Variants in CDH10 observed in about 807,000 individuals in gnomAD.
CDH10 encodes cadherin-10.
CDH10 carries 30 observed loss-of-function variants against 73.1 expected under a neutral mutation model. That is an observed-to-expected ratio of 0.41 (90% CI 0.31 to 0.56). CDH10 has a LOEUF of 0.56. CDH10 is among the 20% of genes least tolerant of loss of function. The pLI is 0.27. For synonymous variants in CDH10, 345 were observed against 348.2 expected (o/e 0.99, Z 0.10); for missense variants, 815 against 973.7 (o/e 0.84, Z 2.17).
In CDH10 at chr5:24,554,376, CATA is replaced by C. The variant is rs369754904; in HGVS notation, c.232-16705_232-16703del. ...GTATAATGTATATAAAATTACATTG[CATA>C]ATATCTTACATGCCTGTGAAACTTG... is the stretch of plus-strand genomic sequence containing the variant. On this transcript the variant is annotated intron_variant, in intron 2 of 11. Transcript: ENST00000264463. Among the ~76,000 whole-genome samples, 461 of 151,892 alleles carry C rather than the reference CATA, an allele frequency of 3.0e-3. 1 individual carries two copies. The highest frequency in any genetic ancestry group is 4.6e-3 in the Non-Finnish European group (310 of 67,950).
chr5:24,505,405 C>T lies in CDH10; in HGVS notation c.1257-157G>A, dbSNP rs537790264. On this transcript the variant is annotated intron_variant, in intron 7 of 11. Transcript: ENST00000264463. ...TTGTTTGAATGACTTTTCCTAGTTG[C>T]ACACACACATTCTCCTCAAGGCATA... Among the ~76,000 whole-genome samples the T allele has an allele frequency of 7.2e-5, 11 of 152,324 alleles. No homozygotes were observed. In the East Asian group the frequency reaches 2.1e-3, roughly 29 times the overall value.
intron 8 of CDH10, among the ~76,000 whole-genome samples, chr5:24,500,106 G>T (rs1384748593): frequency 6.6e-6 from 1 of 152,116 alleles, no homozygotes; most frequent in Non-Finnish European, 1.5e-5. Context: ...TTTATCTGAC[G>T]TCTTAAGGTA....
intron 2 of CDH10, among the ~76,000 whole-genome samples, chr5:24,592,012 G>A (rs1291069390): frequency 2.0e-5 from 3 of 151,746 alleles, no homozygotes; most frequent in East Asian, 1.9e-4. Flanking sequence ...CTATTCCCAG[G>A]CTTTAAATCA....
intron 1 of CDH10, among the ~76,000 whole-genome samples, chr5:24,632,603 C>A (rs1747743017): frequency 6.6e-6 from 1 of 151,892 alleles, no homozygotes. Flanking sequence ...ACCACTTGTT[C>A]TATATTAAAG....
At chr5:24,598,100 G>A (rs1336999992) in intron 1 of CDH10, among the ~76,000 whole-genome samples, 1 of 151,988 alleles carries the variant, frequency 6.6e-6, no homozygotes, top group East Asian at 1.9e-4. Context: ...TTTCAGATGT[G>A]TTTATACAAT....
intron 1 of CDH10, among the ~76,000 whole-genome samples, chr5:24,596,972 T>G (rs1389540704): frequency 6.6e-6 from 1 of 152,002 alleles, no homozygotes; most frequent in African/African-American, 2.4e-5. Context: ...AGGAATCAGG[T>G]GGGTTGAAAC....
intron 11 of CDH10, among the ~76,000 whole-genome samples, chr5:24,488,740 A>G (rs923772942): frequency 6.6e-6 from 1 of 151,922 alleles, no homozygotes; most frequent in East Asian, 1.9e-4. Flanking sequence ...TTAGAGTTAG[A>G]TGAATTTAGA....
At chr5:24,520,730 T>G (rs2202513) in intron 5 of CDH10, among the ~76,000 whole-genome samples, 73,520 of 151,894 alleles carry the variant, frequency 0.48, 17,893 homozygotes, top group East Asian at 0.58. Flanking sequence ...TCACTTTTTT[T>G]TTGTTGTTTT....
In CDH10 at chr5:24,533,924, A is replaced by G. The variant is rs371354491; in HGVS notation, c.814+1188T>C. On this transcript the variant is annotated intron_variant, in intron 5 of 11. Transcript: ENST00000264463. Reference sequence around the variant, plus strand: ...GTTAAATATCTAATCAAAAACTGTCACAAATATATAGGTACGTGATTAGTG... The same window carrying G: ...GTTAAATATCTAATCAAAAACTGTCGCAAATATATAGGTACGTGATTAGTG... Among the ~76,000 whole-genome samples, 3 of 152,230 alleles carry G rather than the reference A, an allele frequency of 2.0e-5. No individual in the cohort carries two copies. In the South Asian group the frequency reaches 6.2e-4, roughly 32 times the overall value.
intron 3 of CDH10, 137 bp downstream of exon 3, chr5:24,537,243 A>G: frequency 1.7e-6 from 1 of 590,136 alleles, no homozygotes; most frequent in South Asian, 2.7e-5. Flanking sequence ...TTGTCTCCTA[A>G]AAGAAAAAAT....
intron 5 of CDH10, among the ~76,000 whole-genome samples, chr5:24,531,454 A>T (rs949492601): frequency 6.6e-6 from 1 of 152,144 alleles, no homozygotes; most frequent in African/African-American, 2.4e-5. Flanking sequence ...TGATAAAGAC[A>T]TACACAAGAC....
chr5:24,533,314 G>A (rs1217438180), intron 5 of CDH10, among the ~76,000 whole-genome samples: 1 of 151,682 alleles, frequency 6.6e-6, no homozygotes, highest in African/African-American at 2.4e-5. Context: ...GGCACAGAGT[G>A]AGACTCACTC....
At chr5:24,539,161 A>T (rs1347720600) in intron 2 of CDH10, among the ~76,000 whole-genome samples, 1 of 152,010 alleles carries the variant, frequency 6.6e-6, no homozygotes, top group Non-Finnish European at 1.5e-5. Flanking sequence ...AGAATTGAGA[A>T]TTCGAGACAA....
intron 1 of CDH10, among the ~76,000 whole-genome samples, chr5:24,630,226 G>A (rs1164833830): frequency 6.6e-6 from 1 of 152,038 alleles, no homozygotes; most frequent in East Asian, 1.9e-4. Context: ...CAAAGCCAGA[G>A]AGCCCTAGTG....
At chr5:24,521,951 T>C (rs910291468) in intron 5 of CDH10, among the ~76,000 whole-genome samples, 1 of 152,020 alleles carries the variant, frequency 6.6e-6, no homozygotes, top group African/African-American at 2.4e-5. Context: ...CTGGCCAATA[T>C]GGTGAAACCC....
intron 1 of CDH10, among the ~76,000 whole-genome samples, chr5:24,642,366 T>TA (rs1427622376): frequency 6.6e-6 from 1 of 152,126 alleles, no homozygotes; most frequent in Non-Finnish European, 1.5e-5. Flanking sequence ...TTTGCTTATA[T>TA]AAAAAATTAA....
chr5:24,631,819 ATGT>A (rs1747714244), intron 1 of CDH10, among the ~76,000 whole-genome samples: 1 of 152,056 alleles, frequency 6.6e-6, no homozygotes, highest in Non-Finnish European at 1.5e-5. Context: ...AAACTCTAAA[ATGT>A]TGTTGACTTG....
chr5:24,490,843 G>GC (rs1742028610), intron 11 of CDH10, among the ~76,000 whole-genome samples: 1 of 152,250 alleles, frequency 6.6e-6, no homozygotes, highest in South Asian at 2.1e-4. Flanking sequence ...ATACAGGAAT[G>GC]CCGATGGGAA....
At chr5:24,567,656 G>C (rs1248540617) in intron 2 of CDH10, among the ~76,000 whole-genome samples, 1 of 151,898 alleles carries the variant, frequency 6.6e-6, no homozygotes, top group Non-Finnish European at 1.5e-5. Flanking sequence ...AAATGGACTG[G>C]GAAGACACAG....
Sources: allele counts gnomAD v4.1 joint callset (sites outside exome capture counted in the v4.1 genomes callset), GRCh38; gene constraint gnomAD v4.1.1; transcripts MANE v1.5; gene names NCBI Gene and HGNC (gene_info 2026-07-23, HGNC 2026-07-21).